The following JAKMIP3 variants were observed in gnomAD, a reference collection of about 807,000 sequenced individuals.
JAKMIP3 encodes Janus kinase and microtubule interacting protein 3.
A neutral mutation model predicts 118.5 loss-of-function variants in JAKMIP3; 58 were observed. The ratio of observed to expected loss-of-function variants is 0.49; its 90% CI spans 0.40 to 0.61. The LOEUF (loss-of-function observed/expected upper bound fraction) is 0.61. Ranked by LOEUF, JAKMIP3 falls within the 20% of genes least tolerant of loss-of-function variation. The probability of loss-of-function intolerance (pLI) is 0.00; values close to 1 mark genes in which losing one functional copy is unlikely to be tolerated. For synonymous variants in JAKMIP3, 486 were observed against 451.2 expected, an observed-to-expected ratio of 1.08 and a Z score of -0.98; for missense variants, 950 against 1,109.0, an observed-to-expected ratio of 0.86 and a Z score of 2.04.
At chr10:132,127,417 T>TGTGTGTGA (rs34435836) in intron 3 of JAKMIP3, among the ~76,000 whole-genome samples, 1 of 149,974 alleles carries the variant, frequency 6.7e-6, no homozygotes, top group African/African-American at 2.5e-5. Flanking sequence ...TGTGTGTGTG[T>TGTGTGTGA]GCGTGTGTGT....
At position 132,124,305 on chromosome 10, in the gene JAKMIP3, A is replaced by G. The variant is rs115205298; in HGVS notation, c.633+6731A>G. Reference sequence around the variant, plus strand: ...GTCGCCCGTCCCACCCTGGCACATCACAGCTGAACCAGCCGGCCGCGCCAT... The same window carrying G: ...GTCGCCCGTCCCACCCTGGCACATCGCAGCTGAACCAGCCGGCCGCGCCAT... On this transcript the variant is annotated intron_variant, in intron 3 of 23. Transcript: ENST00000684848. Among the ~76,000 whole-genome samples, 1,392 of 150,800 alleles carry G rather than the reference A, an allele frequency of 9.2e-3. 26 individuals carry two copies. Among genetic ancestry groups the G allele is most frequent in the African/African-American group, 0.032 (1,316 of 41,040 alleles).
At chr10:132,176,705 C>T (rs2060170840) in intron 23 of JAKMIP3, among the ~76,000 whole-genome samples, 1 of 152,106 alleles carries the variant, frequency 6.6e-6, no homozygotes, top group African/African-American at 2.4e-5. Context: ...CTTGGAATCA[C>T]TCTGCAGGGA....
At chr10:132,050,092 G>A (rs2038054974) in intron 1 of JAKMIP3, among the ~76,000 whole-genome samples, 3 of 152,072 alleles carry the variant, frequency 2.0e-5, no homozygotes, top group African/African-American at 7.2e-5. Flanking sequence ...TTGCCAAAGG[G>A]AGCTTCTCTC....
At position 132,159,641 on chromosome 10, in the gene JAKMIP3, G is replaced by GGGGGGCCTCTCCCTATGTGATGCTCA. The variant is rs1564981725; in HGVS notation, c.2221-3554_2221-3553insATGTGATGCTCAGGGGGCCTCTCCCT. ...GGGGGTCCTCTTCCTTTGTGATGCTGGGGGGCCTCTCCCTGTGTGATGCTG... is the reference window on the plus strand; with the variant it reads ...GGGGGTCCTCTTCCTTTGTGATGCTGGGGGGCCTCTCCCTATGTGATGCTCAGGGGGCCTCTCCCTGTGTGATGCTG... On this transcript the variant is annotated intron_variant, in intron 19 of 23. Coordinates refer to ENST00000684848, the MANE Select transcript of JAKMIP3 (RefSeq NM_001323087.2). Among the ~76,000 whole-genome samples the GGGGGGCCTCTCCCTATGTGATGCTCA allele has an allele frequency of 6.6e-4, 47 of 70,910 alleles. 2 individuals carry two copies. The highest frequency in any genetic ancestry group is 2.0e-3 in the African/African-American group (40 of 20,250). The allele number at this position is 70,910 out of a possible 152,430, so 46.5% of individuals were successfully genotyped here. A position where few individuals can be genotyped will look rare whatever the true frequency, so the allele number is the denominator to read the frequency against.
intron 11 of JAKMIP3, chr10:132,144,774 C>G (rs1192133749): frequency 4.8e-6 from 1 of 209,052 alleles, no homozygotes; most frequent in Non-Finnish European, 9.6e-6. Flanking sequence ...ACAAAAAATA[C>G]AAAAATTAGT....
Position 132,135,248 on chromosome 10 carries a change from CG to C in JAKMIP3, c.969+89del, listed in dbSNP as rs1234939820. 91 of 1,340,564 alleles carry C rather than the reference CG, an allele frequency of 6.8e-5. No individual in the cohort carries two copies. In the Middle Eastern group the frequency reaches 7.8e-4, roughly 12 times the overall value. 83.0% of individuals were successfully genotyped at this position (1,340,564 alleles called of 1,614,324 possible). A position where few individuals can be genotyped will look rare whatever the true frequency, so the allele number is the denominator to read the frequency against. On this transcript the variant is annotated intron_variant, in intron 5 of 23. Coordinates refer to ENST00000684848, the MANE Select transcript of JAKMIP3 (RefSeq NM_001323087.2). ...GGGCATCCACTTTCAAAATTCCTTG[CG>C]TAAAGGAGTGGTGGTTGCAAGGACC...
Position 132,099,945 on chromosome 10 carries a change from C to T in JAKMIP3, c.-137-4727C>T, listed in dbSNP as rs146923158. Reference sequence around the variant, plus strand: ...AGGGCTCGTCTGCATCTGAGATTCACGCTGCGTTGCTGTGATTCCCGGTGA... The same window carrying T: ...AGGGCTCGTCTGCATCTGAGATTCATGCTGCGTTGCTGTGATTCCCGGTGA... On this transcript the variant is annotated intron_variant, in intron 1 of 23. Transcript: ENST00000684848. 9.1e-4 allele frequency among the ~76,000 whole-genome samples: 139 copies of T among 152,330 alleles called. 2 individuals carry two copies. In the East Asian group the frequency reaches 0.02, roughly 22 times the overall value.
At chr10:132,091,839 G>C (rs1399392158) in intron 1 of JAKMIP3, among the ~76,000 whole-genome samples, 1 of 152,150 alleles carries the variant, frequency 6.6e-6, no homozygotes, top group Non-Finnish European at 1.5e-5. Flanking sequence ...TATTTTGCTC[G>C]TTAGTTGATG....
intron 3 of JAKMIP3, among the ~76,000 whole-genome samples, chr10:132,130,166 A>C (rs932274106): frequency 2.6e-4 from 40 of 152,182 alleles, no homozygotes; most frequent in African/African-American, 9.2e-4. Flanking sequence ...CTCTTCTAGC[A>C]CCTCCAACGC....
chr10:132,144,039 C>T (rs1420615678), intron 11 of JAKMIP3: 2 of 149,370 alleles, frequency 1.3e-5, no homozygotes, highest in East Asian at 2.0e-4. Flanking sequence ...GTCACGCCTT[C>T]GCCCACCCCC....
intron 1 of JAKMIP3, among the ~76,000 whole-genome samples, chr10:132,091,198 A>G (rs1467237328): frequency 6.6e-6 from 1 of 152,196 alleles, no homozygotes; most frequent in African/African-American, 2.4e-5. Flanking sequence ...TTTACTTCCA[A>G]CTATGTGGTC....
intron 1 of JAKMIP3, among the ~76,000 whole-genome samples, chr10:132,038,748 G>A (rs964235578): frequency 2.7e-5 from 4 of 147,948 alleles, no homozygotes; most frequent in Admixed American, 6.9e-5. Flanking sequence ...AGCTGAGATC[G>A]CGCCACTGCA....
At position 132,180,552 on chromosome 10, in the gene JAKMIP3, T is replaced by C. The variant is rs1288315925; in HGVS notation, c.*1104-1805T>C. On this transcript the variant is annotated intron_variant, in intron 23 of 23. Coordinates refer to ENST00000684848, the MANE Select transcript of JAKMIP3 (RefSeq NM_001323087.2). ...GTGTGTGTGTGTGTGTGTGCGTGCG[T>C]GCATGCGTGTGTGTGCGTGTGTGTG... Among the ~76,000 whole-genome samples, 65 of 7,558 alleles carry C rather than the reference T, an allele frequency of 8.6e-3. 18 individuals are homozygous for C. The highest frequency in any genetic ancestry group is 0.035 in the African/African-American group (56 of 1,598). 5.0% of individuals were successfully genotyped at this position (7,558 alleles called of 152,430 possible).
At chr10:132,097,153 C>T (rs1325180333) in intron 1 of JAKMIP3, among the ~76,000 whole-genome samples, 1 of 152,216 alleles carries the variant, frequency 6.6e-6, no homozygotes, top group Non-Finnish European at 1.5e-5. Flanking sequence ...GAACCTGGGT[C>T]CCTCATACAC....
At chr10:132,101,347 C>T (rs1003155187) in intron 1 of JAKMIP3, among the ~76,000 whole-genome samples, 2 of 152,106 alleles carry the variant, frequency 1.3e-5, no homozygotes, top group African/African-American at 4.8e-5. Flanking sequence ...CAAGGACCGA[C>T]CCCCCAACCC....
chr10:132,140,340 G>C (rs1589923904), intron 9 of JAKMIP3, 111 bp from the exon 10 acceptor site: 3 of 1,472,160 alleles, frequency 2.0e-6, no homozygotes, highest in East Asian at 2.3e-5. Context: ...ATGGGAGTGT[G>C]TCGCAGGGTG....
At chr10:132,154,076 G>A (rs2056686368) in intron 19 of JAKMIP3, 86 bp downstream of exon 19, 8 of 1,256,060 alleles carry the variant, frequency 6.4e-6, no homozygotes, top group Non-Finnish European at 9.2e-6. Context: ...AGTGCCTCAG[G>A]TGCCCATGTG....
rs77756722 is a variant in JAKMIP3 at position 132,137,739 on chromosome 10, C to G, written c.1285-380C>G. ...TTAGTATTTTAAGGGCGCCAGTCCCCACACAGATGTGGACGCCACCCCTGC... is the reference window on the plus strand; with the variant it reads ...TTAGTATTTTAAGGGCGCCAGTCCCGACACAGATGTGGACGCCACCCCTGC... On this transcript the variant is annotated intron_variant, in intron 8 of 23. Transcript: ENST00000684848. Among the ~76,000 whole-genome samples the G allele has an allele frequency of 3.8e-3, 577 of 152,352 alleles. 3 individuals are homozygous for G. Among genetic ancestry groups the G allele is most frequent in the African/African-American group, 0.013 (559 of 41,576 alleles).
At chr10:132,132,388 G>A (rs943284670) in intron 3 of JAKMIP3, among the ~76,000 whole-genome samples, 2 of 152,200 alleles carry the variant, frequency 1.3e-5, no homozygotes, top group African/African-American at 4.8e-5. Flanking sequence ...AGTGCCGAGC[G>A]TGTCTGTCTG....
Sources: gnomAD v4.1 joint callset for allele counts (sites outside exome capture counted in the v4.1 genomes callset) on GRCh38, gnomAD v4.1.1 for gene constraint, MANE v1.5 for transcripts, NCBI Gene and HGNC (gene_info 2026-07-23, HGNC 2026-07-21) for gene names.